Variants in FGD4 observed in about 807,000 individuals in gnomAD.
FGD4 encodes FYVE, RhoGEF and PH domain containing 4.
Under a neutral mutation model 102.0 loss-of-function variants are expected in FGD4, and 42 were observed. That is an observed-to-expected ratio of 0.41 (90% CI 0.32 to 0.53). The LOEUF is 0.53. FGD4 is among the 20% of genes least tolerant of loss of function. The pLI, the probability that FGD4 is intolerant of heterozygous loss-of-function variation, is 0.21. For missense variants in FGD4, 902 were observed against 1,078.2 expected (o/e 0.84, Z 2.29); for synonymous variants, 380 against 375.7 (o/e 1.01, Z -0.13).
intron 3 of FGD4, among the ~76,000 whole-genome samples, chr12:32,580,511 T>C (rs1946518536): frequency 6.6e-6 from 1 of 152,144 alleles, no homozygotes; most frequent in Non-Finnish European, 1.5e-5. Context: ...TTCTTCTCGT[T>C]TAGGTCACAG....
At chr12:32,491,153 A>AAC (rs1417734624) in intron 1 of FGD4, among the ~76,000 whole-genome samples, 2 of 151,474 alleles carry the variant, frequency 1.3e-5, no homozygotes, top group African/African-American at 2.4e-5. Flanking sequence ...AAAAAAAACA[A>AAC]AAAACTATAA....
intron 1 of FGD4, among the ~76,000 whole-genome samples, chr12:32,402,773 CCATT>C (rs10545600): frequency 0.48 from 72,383 of 151,226 alleles, 18,906 homozygotes; most frequent in African/African-American, 0.7. Context: ...ATAGGTACAG[CCATT>C]CCCCTTACCA....
intron 14 of FGD4, among the ~76,000 whole-genome samples, chr12:32,628,999 C>T (rs547330501): frequency 6.6e-6 from 1 of 152,244 alleles, no homozygotes; most frequent in South Asian, 2.1e-4. Flanking sequence ...ATGGTGCTTC[C>T]TGAGTATCTA....
At position 32,544,793 on chromosome 12, in the gene FGD4, A is replaced by G. The variant is rs529867536; in HGVS notation, c.167-19344A>G. ...GTGTTTTGGTGAACTTTAGCTTACC[A>G]GCTGAAAATTATGGAATTCATTTCA... On this transcript the variant is annotated intron_variant, in intron 1 of 16. Coordinates refer to ENST00000534526, the MANE Select transcript of FGD4 (RefSeq NM_001370298.3). The surrounding 1 kb of genome is among the most constrained non-coding windows in gnomAD (Gnocchi z 4.1). 6.6e-6 allele frequency among the ~76,000 whole-genome samples: 1 copy of G among 152,312 alleles called. No individual in the cohort carries two copies. Among genetic ancestry groups the G allele is most frequent in the African/African-American group, 2.4e-5 (1 of 41,572 alleles).
intron 1 of FGD4, among the ~76,000 whole-genome samples, chr12:32,461,772 G>T (rs896678759): frequency 2.6e-5 from 4 of 152,162 alleles, no homozygotes; most frequent in African/African-American, 9.7e-5. Context: ...TGTCGCCGAG[G>T]CTGGAGTGCA....
Position 32,640,840 on chromosome 12 carries a change from A to C in FGD4, c.*307A>C. 1.7e-6 allele frequency: 1 copy of C among 575,186 alleles called. No individual in the cohort carries two copies. Among genetic ancestry groups the C allele is most frequent in the East Asian group, 2.9e-5 (1 of 34,610 alleles). The allele number at this position is 575,186 out of a possible 1,614,324, so 35.6% of individuals were successfully genotyped here. A position where few individuals can be genotyped will look rare whatever the true frequency, so the allele number is the denominator to read the frequency against. ...CTGTCACCGTCAGGTTAGAATGAGC[A>C]CTTCCATTTAAGAAATCCTTTCATG... On this transcript the variant is annotated 3_prime_UTR_variant, in exon 17 of 17. Transcript: ENST00000534526.
chr12:32,571,861 G>A (rs1945696962), intron 2 of FGD4, among the ~76,000 whole-genome samples: 1 of 152,070 alleles, frequency 6.6e-6, no homozygotes, highest in African/African-American at 2.4e-5. Flanking sequence ...GGGTGGGAGA[G>A]TAGAGATGAG....
chr12:32,549,429 C>G (rs1265728501), intron 1 of FGD4, among the ~76,000 whole-genome samples: 4 of 152,130 alleles, frequency 2.6e-5, no homozygotes. Flanking sequence ...GTGCTTCCCC[C>G]TCGTCCTTCC....
chr12:32,604,933 C>G (rs1948671901), intron 7 of FGD4, among the ~76,000 whole-genome samples: 1 of 84,688 alleles, frequency 1.2e-5, no homozygotes, highest in Non-Finnish European at 2.2e-5. Context: ...AGCTTTATAG[C>G]TGCTTTTTTT....
intron 8 of FGD4, among the ~76,000 whole-genome samples, chr12:32,610,317 T>C (rs1332469072): frequency 2.0e-5 from 3 of 152,216 alleles, no homozygotes; most frequent in Non-Finnish European, 4.4e-5. Flanking sequence ...GGTATGGATT[T>C]AGTATACACT....
chr12:32,590,090 C>A (rs1042179021), intron 4 of FGD4, among the ~76,000 whole-genome samples: 1 of 151,952 alleles, frequency 6.6e-6, no homozygotes, highest in Admixed American at 6.6e-5. Context: ...GGTGGATCAC[C>A]TGAGGTCAGG....
rs374632385 is a variant in FGD4, at chr12:32,575,030, G to A, written c.320-1236G>A. ...ATGAAGTAATTTCTTTACTGATTGT[G>A]CACTTACGGCATATTATTTTATCAT... On this transcript the variant is annotated intron_variant, in intron 2 of 16. Transcript: ENST00000534526. Among the ~76,000 whole-genome samples, 7 of 152,244 alleles carry A rather than the reference G, an allele frequency of 4.6e-5. No homozygotes were observed. The East Asian group carries it at 9.6e-4, about 21-fold the overall frequency.
intron 4 of FGD4, among the ~76,000 whole-genome samples, chr12:32,598,145 A>G (rs1226819418): frequency 6.6e-6 from 1 of 152,222 alleles, no homozygotes; most frequent in East Asian, 1.9e-4. Context: ...AGAACTGATA[A>G]TTAGACAAGA....
In FGD4 at chr12:32,605,849, A is replaced by G. The variant is rs575892285; in HGVS notation, c.1405-2108A>G. Among the ~76,000 whole-genome samples the G allele has an allele frequency of 5.3e-5, 8 of 152,304 alleles. No individual in the cohort carries two copies. In the East Asian group the frequency reaches 1.5e-3, roughly 29 times the overall value. On this transcript the variant is annotated intron_variant, in intron 7 of 16. Coordinates refer to ENST00000534526, the MANE Select transcript of FGD4 (RefSeq NM_001370298.3). ...ATAATGTATTCAAATTGCTTAGCGT[A>G]GTGCTTGTTGCATAGTAAGTGCTCA...
intron 1 of FGD4, among the ~76,000 whole-genome samples, chr12:32,466,656 C>T (rs1447403203): frequency 6.6e-6 from 1 of 151,854 alleles, no homozygotes; most frequent in Admixed American, 6.6e-5. Context: ...TTGCTTGAGG[C>T]CAGGAGTTCG....
intron 1 of FGD4, among the ~76,000 whole-genome samples, chr12:32,501,544 AT>A (rs1242841270): frequency 6.6e-6 from 1 of 152,176 alleles, no homozygotes; most frequent in Non-Finnish European, 1.5e-5. Context: ...CTAGATGAAA[AT>A]TTTAAATCCA....
chr12:32,461,595 G>A (rs189853466), intron 1 of FGD4, among the ~76,000 whole-genome samples: 14 of 152,266 alleles, frequency 9.2e-5, no homozygotes, highest in Admixed American at 7.2e-4. Context: ...AAAGCAAACA[G>A]AAGAAGGCTT....
chr12:32,408,491 T>TG (rs1416992104), intron 1 of FGD4, among the ~76,000 whole-genome samples: 1 of 152,152 alleles, frequency 6.6e-6, no homozygotes, highest in Non-Finnish European at 1.5e-5. Context: ...TTAATAGAGA[T>TG]GGGGTTTCGC....
At chr12:32,607,556 C>T (rs1948860245) in intron 7 of FGD4, among the ~76,000 whole-genome samples, 1 of 152,226 alleles carries the variant, frequency 6.6e-6, no homozygotes. Flanking sequence ...CACTCTGTCA[C>T]CCAGGCTAAG....
Sources: gnomAD v4.1 joint callset for allele counts (sites outside exome capture counted in the v4.1 genomes callset) on GRCh38, gnomAD v4.1.1 for gene constraint, Gnocchi (gnomAD v3.1) non-coding constraint, MANE v1.5 for transcripts, NCBI Gene and HGNC (gene_info 2026-07-23, HGNC 2026-07-21) for gene names.